Variants in PLEKHG5 observed in about 807,000 individuals in gnomAD.
PLEKHG5 encodes pleckstrin homology and RhoGEF domain containing G5.
A neutral mutation model predicts 103.8 loss-of-function variants in PLEKHG5; 52 were observed. The observed-to-expected ratio is 0.50, with a 90% CI of 0.40 to 0.63. The LOEUF (loss-of-function observed/expected upper bound fraction) is 0.63, where lower values mean the gene tolerates loss of function less well. Ranked by LOEUF, PLEKHG5 falls within the 30% of genes least tolerant of loss-of-function variation. The pLI is 0.00. For synonymous variants in PLEKHG5, 592 were observed against 575.5 expected (o/e 1.03, Z -0.41); for missense variants, 1,205 against 1,347.6 (o/e 0.89, Z 1.66).
chr1:6,470,422 A>G, intron 15 of PLEKHG5, 67 bp from the exon 16 acceptor site: 1 of 1,611,378 alleles, frequency 6.2e-7, no homozygotes, highest in Non-Finnish European at 8.5e-7. Flanking sequence ...AGGCATCCTC[A>G]GTGAGATGCC....
At chr1:6,467,640 C>T in intron 20 of PLEKHG5, 68 bp from the exon 21 acceptor site, 5 of 1,550,206 alleles carry the variant, frequency 3.2e-6, no homozygotes, top group Admixed American at 1.7e-5. Flanking sequence ...TGGTCACCCT[C>T]TCTTCCCCAC....
At chr1:6,491,826 A>C, upstream of PLEKHG5, 2 of 269,118 alleles carry the variant, frequency 7.4e-6, no homozygotes, top group Non-Finnish European at 1.1e-5. This position sits in a 1 kb window ranked among gnomAD's most constrained non-coding sequence, Gnocchi z 4.1. Context: ...AATCCCCTCT[A>C]CGCTTCCCTT....
At chr1:6,475,242 C>CACCCTCCTTCCCACCCTCCTTCCCA in intron 4 of PLEKHG5, 104 bp from the exon 5 acceptor site, 1 of 708,094 alleles carries the variant, frequency 1.4e-6, no homozygotes, top group Non-Finnish European at 2.5e-6. Context: ...CCCTCCTCCC[C>CACCCTCCTTCCCACCCTCCTTCCCA]ACCCTCCTTC....
At chr1:6,471,220 C>G in intron 12 of PLEKHG5, 120 bp from the exon 13 acceptor site, 2 of 871,490 alleles carry the variant, frequency 2.3e-6, no homozygotes, top group Non-Finnish European at 3.7e-6. Flanking sequence ...AAGGGGGCAG[C>G]AAGCTTATGA....
In PLEKHG5 at chr1:6,472,572, C is replaced by T; in HGVS notation, c.1035G>A (p.Leu345=). The change falls in exon 10 of 21, where the codon CTG becomes CTA. Residue 345 remains leucine, a synonymous_variant. Coordinates refer to ENST00000377728, the MANE Select transcript of PLEKHG5 (RefSeq NM_020631.6). ...TCCTGATGTAGGAGGCCTCCGTGTG[C>T]AGCAGCTCCCACACCGCCTCCTGCT... The part of the protein sequence containing the change: ...CHQQEAVWEL[L]HTEASYIRKL... The T allele has an allele frequency of 6.2e-7, 1 of 1,613,688 alleles. No homozygotes were observed.
intron 1 of PLEKHG5, among the ~76,000 whole-genome samples, chr1:6,482,030 C>T (rs961336445): frequency 6.6e-6 from 1 of 151,920 alleles, no homozygotes. Context: ...TTCCGGGACA[C>T]ACTCCCTCAG....
intron 1 of PLEKHG5, among the ~76,000 whole-genome samples, chr1:6,519,093 C>T (rs113299055): frequency 6.6e-6 from 1 of 152,200 alleles, no homozygotes; most frequent in African/African-American, 2.4e-5. Flanking sequence ...CCGCCTGCCT[C>T]GGCCTCCCAA....
intron 7 of PLEKHG5, among the ~76,000 whole-genome samples, 161 bp downstream of exon 7, chr1:6,473,851 AG>A (rs1049578362): frequency 9.9e-5 from 15 of 152,128 alleles, no homozygotes; most frequent in African/African-American, 3.6e-4. Context: ...CCAGAGAGAG[AG>A]GGTCCCCTAC....
rs754198321 is a variant in PLEKHG5 at position 6,467,961 on chromosome 1, C to G, written c.2875G>C (p.Asp959His). ...CTGGGAGAGGCCCCCGAGGGCAGGT[C>G]TCCACACCTCTTCCTGTGGGAGCCT... ...PAGSHRKRCG[D>H]LPSGASPRVQ... Residue 959 changes from aspartate (D) to histidine (H), a missense_variant, in exon 20 of 21, where the codon GAC becomes CAC. Asp to His is a moderately conservative substitution (Grantham distance 81, BLOSUM62 -1). Transcript: ENST00000377728. 3.8e-6 allele frequency: 6 copies of G among 1,565,710 alleles called. No homozygotes were observed. The highest frequency in any genetic ancestry group is 4.3e-6 in the Non-Finnish European group (5 of 1,157,116).
intron 5 of PLEKHG5, 77 bp from the exon 6 acceptor site, chr1:6,474,664 C>T (rs1644705878): frequency 7.0e-7 from 1 of 1,419,048 alleles, no homozygotes; most frequent in Admixed American, 2.0e-5. Context: ...CCCCACGAGC[C>T]CCCGCCCCAC....
upstream of PLEKHG5, among the ~76,000 whole-genome samples, chr1:6,499,603 G>A (rs768130384): frequency 6.6e-6 from 1 of 152,132 alleles, no homozygotes; most frequent in African/African-American, 2.4e-5. Context: ...AGCTCTCAGG[G>A]CCCAGAGTGG....
At chr1:6,497,432 G>A, upstream of PLEKHG5, 1 of 818,308 alleles carries the variant, frequency 1.2e-6, no homozygotes. This position sits in a 1 kb window ranked among gnomAD's most constrained non-coding sequence, Gnocchi z 6.1. Flanking sequence ...CACGGGAGGC[G>A]GGCGGGGCAG....
At chr1:6,467,644 T>TC (rs1274097515) in intron 20 of PLEKHG5, 72 bp from the exon 21 acceptor site, 15 of 1,537,648 alleles carry the variant, frequency 9.8e-6, no homozygotes, top group Middle Eastern at 1.7e-4. Context: ...CACCCTCTCT[T>TC]CCCCACGGCA....
At chr1:6,483,082 G>A (rs1644942465) in intron 1 of PLEKHG5, among the ~76,000 whole-genome samples, 1 of 152,246 alleles carries the variant, frequency 6.6e-6, no homozygotes, top group South Asian at 2.1e-4. Flanking sequence ...CCTCAGGTCA[G>A]CCGGGATTAC....
At chr1:6,472,883 T>C in intron 9 of PLEKHG5, 103 bp downstream of exon 9, 1 of 1,097,548 alleles carries the variant, frequency 9.1e-7, no homozygotes, top group Non-Finnish European at 1.4e-6. Flanking sequence ...ATGGTAACAG[T>C]GGCCTCTTTG....
intron 1 of PLEKHG5, among the ~76,000 whole-genome samples, chr1:6,507,835 G>A (rs1394486716): frequency 6.6e-6 from 1 of 152,224 alleles, no homozygotes; most frequent in East Asian, 1.9e-4. Context: ...GCACCCACAC[G>A]ACCTGGGCCT....
chr1:6,484,638 G>A (rs994738691), intron 1 of PLEKHG5, among the ~76,000 whole-genome samples: 1 of 152,122 alleles, frequency 6.6e-6, no homozygotes, highest in African/African-American at 2.4e-5. Context: ...CAGCACTAGG[G>A]CGGAATGGCC....
intron 4 of PLEKHG5, 116 bp from the exon 5 acceptor site, chr1:6,475,254 C>CACCCTCCTTCCCA (rs1644731228): frequency 4.4e-6 from 3 of 676,024 alleles, no homozygotes; most frequent in African/African-American, 1.9e-5. Context: ...CCCTCCTTCC[C>CACCCTCCTTCCCA]ACCCTCCTTC....
At position 6,470,312 on chromosome 1, in the gene PLEKHG5, G is replaced by A. The variant is rs77134982; in HGVS notation, c.1724C>T (p.Pro575Leu). The A allele has an allele frequency of 5.7e-4, 915 of 1,614,030 alleles. 13 individuals carry two copies. The African/African-American group carries it at 0.011, about 20-fold the overall frequency. The change falls in exon 16 of 21, where the codon CCT becomes CTT. Residue 575 changes from proline to leucine, a missense_variant. By Grantham distance (98) the Pro-to-Leu change is moderately conservative. Coordinates refer to ENST00000377728, the MANE Select transcript of PLEKHG5 (RefSeq NM_020631.6). ...FLHLDLTAPI[P>L]GASPEETRQL... Reference sequence around the variant, plus strand: ...CCGCGTCTCCTCCGGGGAGGCGCCAGGGATGGGCGCTGTCAAGTCCAGGTG... The same window carrying A: ...CCGCGTCTCCTCCGGGGAGGCGCCAAGGATGGGCGCTGTCAAGTCCAGGTG...
Sources: allele counts gnomAD v4.1 joint callset (sites outside exome capture counted in the v4.1 genomes callset), GRCh38; gene constraint gnomAD v4.1.1; non-coding constraint Gnocchi (gnomAD v3.1); transcripts MANE v1.5; gene names NCBI Gene and HGNC (gene_info 2026-07-23, HGNC 2026-07-21).